SLAMF1: variants seen among roughly 807,000 people sequenced by gnomAD.
SLAMF1 encodes signaling lymphocytic activation molecule family member 1, also known as signaling lymphocytic activation molecule.
A neutral mutation model predicts 35.1 loss-of-function variants in SLAMF1; 18 were observed. The observed-to-expected ratio is 0.51, with a 90% CI of 0.35 to 0.76. SLAMF1 has a LOEUF of 0.76. Among genes scored for constraint, SLAMF1 ranks in the 30% least tolerant of loss-of-function variants. The probability of loss-of-function intolerance (pLI) is 0.01; values close to 1 mark genes in which losing one functional copy is unlikely to be tolerated. For synonymous variants in SLAMF1, 168 were observed against 157.2 expected, an observed-to-expected ratio of 1.07 and a Z score of -0.51; for missense variants, 392 against 413.0, an observed-to-expected ratio of 0.95 and a Z score of 0.44.
At chr1:160,643,230 A>T (rs1364780540) in intron 1 of SLAMF1, among the ~76,000 whole-genome samples, 1 of 152,152 alleles carries the variant, frequency 6.6e-6, no homozygotes, top group Non-Finnish European at 1.5e-5. Flanking sequence ...GTAGGTAGAT[A>T]AATCTCTCCA....
chr1:160,634,356 C>A (rs1413477439), intron 3 of SLAMF1: 6 of 978,858 alleles, frequency 6.1e-6, no homozygotes, highest in Non-Finnish European at 7.3e-6. Context: ...GAAGGCTACG[C>A]CTTGGAGACT....
chr1:160,621,558 C>CA (rs33981363), intron 4 of SLAMF1, among the ~76,000 whole-genome samples: 32 of 73,202 alleles, frequency 4.4e-4, no homozygotes, highest in South Asian at 2.6e-3. Context: ...GAATCTATCT[C>CA]AAAAAAAAAA....
chr1:160,610,870 A>T (rs1658945738), intron 6 of SLAMF1, 72 bp from the exon 7 acceptor site: 6 of 1,138,456 alleles, frequency 5.3e-6, no homozygotes, highest in Non-Finnish European at 8.0e-6. Context: ...TGAAAACAGC[A>T]CTGCTGAGGA....
chr1:160,629,759 G>A (rs993280503), intron 3 of SLAMF1, among the ~76,000 whole-genome samples: 1 of 152,196 alleles, frequency 6.6e-6, no homozygotes. Context: ...GCTCAGCTAG[G>A]AGCTATGTGT....
At chr1:160,617,321 G>T (rs1270423405) in intron 5 of SLAMF1, among the ~76,000 whole-genome samples, 1 of 151,992 alleles carries the variant, frequency 6.6e-6, no homozygotes, top group Non-Finnish European at 1.5e-5. Context: ...GTATATCTAG[G>T]TATATACCCA....
At chr1:160,616,246 C>A (rs1659294595) in intron 5 of SLAMF1, among the ~76,000 whole-genome samples, 1 of 152,004 alleles carries the variant, frequency 6.6e-6, no homozygotes, top group African/African-American at 2.4e-5. Context: ...CAATCTGAGG[C>A]TTGTGATTAA....
At chr1:160,625,835 G>T (rs1474275584) in intron 3 of SLAMF1, among the ~76,000 whole-genome samples, 1 of 129,458 alleles carries the variant, frequency 7.7e-6, no homozygotes, top group East Asian at 2.0e-4. Context: ...GTGTGTGTGT[G>T]TGTGTGTGTG....
intron 1 of SLAMF1, among the ~76,000 whole-genome samples, chr1:160,637,900 G>T (rs1317784335): frequency 6.6e-6 from 1 of 152,090 alleles, no homozygotes; most frequent in Admixed American, 6.5e-5. Context: ...CTCTACCAGG[G>T]TTTTTTCCAC....
At chr1:160,628,638 G>A (rs529844402) in intron 3 of SLAMF1, among the ~76,000 whole-genome samples, 19 of 152,098 alleles carry the variant, frequency 1.2e-4, no homozygotes, top group Admixed American at 1.2e-3. Context: ...ACAATATAGG[G>A]CAGGAGGGCA....
At chr1:160,626,231 C>T (rs1659872950) in intron 3 of SLAMF1, among the ~76,000 whole-genome samples, 1 of 152,162 alleles carries the variant, frequency 6.6e-6, no homozygotes, top group South Asian at 2.1e-4. Flanking sequence ...GACAAAACTG[C>T]ACCAGTAATG....
At chr1:160,640,343 TATATATATATATATATACACAC>T (rs1660678040) in intron 1 of SLAMF1, among the ~76,000 whole-genome samples, 1 of 137,204 alleles carries the variant, frequency 7.3e-6, no homozygotes, top group Non-Finnish European at 1.5e-5. Context: ...TATATATATA[TATATATATATATATATACACAC>T]ACACACACAC....
intron 3 of SLAMF1, among the ~76,000 whole-genome samples, chr1:160,631,636 T>A (rs1660168564): frequency 6.6e-6 from 1 of 151,796 alleles, no homozygotes; most frequent in South Asian, 2.1e-4. Flanking sequence ...GAAGAGGAAA[T>A]CTGGACACAC....
rs1173910417 is a variant in SLAMF1, at chr1:160,610,237, C to G, written c.*511G>C. 3 of 456,074 alleles carry G rather than the reference C, an allele frequency of 6.6e-6. No individual in the cohort carries two copies. The highest frequency in any genetic ancestry group is 2.4e-5 in the Admixed American group (1 of 42,446). The allele number at this position is 456,074 out of a possible 1,614,324, so 28.3% of individuals were successfully genotyped here. A position where few individuals can be genotyped will look rare whatever the true frequency, so the allele number is the denominator to read the frequency against. On this transcript the variant is annotated 3_prime_UTR_variant, in exon 7 of 7. Transcript: ENST00000302035. Reference sequence around the variant, plus strand: ...AAATTCACCCTTCAGCCTCTATTCACTCTTTATCCTGAGAGAGAAACTGAG... The same window carrying G: ...AAATTCACCCTTCAGCCTCTATTCAGTCTTTATCCTGAGAGAGAAACTGAG...
intron 1 of SLAMF1, among the ~76,000 whole-genome samples, chr1:160,645,327 A>G (rs1218468471): frequency 6.6e-6 from 1 of 152,230 alleles, no homozygotes; most frequent in Non-Finnish European, 1.5e-5. Context: ...AAGGGTGTGT[A>G]TTTAAAAATA....
chr1:160,640,397 C>T (rs1455694487), intron 1 of SLAMF1, among the ~76,000 whole-genome samples: 1 of 145,072 alleles, frequency 6.9e-6, no homozygotes, highest in Non-Finnish European at 1.5e-5. Flanking sequence ...TACACACACA[C>T]ATACATATAT....
intron 4 of SLAMF1, among the ~76,000 whole-genome samples, chr1:160,622,432 T>C (rs748190005): frequency 2.0e-5 from 3 of 152,228 alleles, no homozygotes; most frequent in Non-Finnish European, 4.4e-5. Flanking sequence ...TAAAGTCTTA[T>C]GTTACCATGA....
At chr1:160,638,394 C>T (rs1461709550) in intron 1 of SLAMF1, among the ~76,000 whole-genome samples, 41 of 152,216 alleles carry the variant, frequency 2.7e-4, no homozygotes, top group Admixed American at 2.5e-3. Flanking sequence ...CCACTTAAGT[C>T]GAGCCTCTTC....
At chr1:160,644,001 T>A (rs1467129021) in intron 1 of SLAMF1, among the ~76,000 whole-genome samples, 1 of 152,094 alleles carries the variant, frequency 6.6e-6, no homozygotes, top group Non-Finnish European at 1.5e-5. Flanking sequence ...TGATAATCAA[T>A]AAACAAACTA....
chr1:160,625,512 G>A (rs1659830995), intron 3 of SLAMF1, among the ~76,000 whole-genome samples: 1 of 152,202 alleles, frequency 6.6e-6, no homozygotes, highest in Non-Finnish European at 1.5e-5. Flanking sequence ...TAGCTGGCAA[G>A]AAGTTGCCTT....
Sources: allele counts gnomAD v4.1 joint callset (sites outside exome capture counted in the v4.1 genomes callset), GRCh38; gene constraint gnomAD v4.1.1; transcripts MANE v1.5; gene names NCBI Gene and HGNC (gene_info 2026-07-23, HGNC 2026-07-21).